The following MDM4 variants were observed in gnomAD, a reference collection of about 807,000 sequenced individuals.
MDM4 encodes the protein protein Mdm4.
In MDM4, 2 loss-of-function variants were observed where a neutral mutation model predicts 60.2. The observed-to-expected ratio is 0.03, with a 90% CI of 0.01 to 0.10. The LOEUF (loss-of-function observed/expected upper bound fraction) is 0.10, where lower values mean the gene tolerates loss of function less well. Among genes scored for constraint, MDM4 ranks in the 10% least tolerant of loss-of-function variants. The probability of loss-of-function intolerance (pLI) is 1.00; values close to 1 mark genes in which losing one functional copy is unlikely to be tolerated. For missense variants in MDM4, 447 were observed against 577.5 expected (o/e 0.77, Z 2.32); for synonymous variants, 202 against 198.1 (o/e 1.02, Z -0.17).
At chr1:204,538,396 G>T (rs1661638769) in intron 7 of MDM4, 88 bp downstream of exon 7, 2 of 728,144 alleles carry the variant, frequency 2.7e-6, no homozygotes, top group Non-Finnish European at 4.8e-6. Flanking sequence ...TGAAGTAGGA[G>T]AGGGATATGT....
chr1:204,529,504 A>T, intron 3 of MDM4: 1 of 1,517,502 alleles, frequency 6.6e-7, no homozygotes, highest in Non-Finnish European at 8.9e-7. Flanking sequence ...AGGTGTCCAT[A>T]GGGCCCTCTA....
chr1:204,529,779 C>T (rs1660675981), intron 3 of MDM4: 1 of 354,324 alleles, frequency 2.8e-6, no homozygotes, highest in Non-Finnish European at 5.1e-6. Flanking sequence ...TATGCCATCT[C>T]CTTCATTTAG....
Position 204,552,315 on chromosome 1 carries a change from G to A in MDM4, c.*2633G>A, listed in dbSNP as rs1663275915. On this transcript the variant is annotated 3_prime_UTR_variant, in exon 11 of 11. Transcript: ENST00000367182. ...ATCGCAAAAAGAAAAATCTCATAAT[G>A]TCGTTGTTGGTTTTTTTTTTTTTTT... 7.3e-6 allele frequency: 1 copy of A among 137,554 alleles called. No individual in the cohort carries two copies. Among genetic ancestry groups the A allele is most frequent in the African/African-American group, 2.5e-5 (1 of 39,248 alleles). 8.5% of individuals were successfully genotyped at this position (137,554 alleles called of 1,614,324 possible).
chr1:204,522,399 TA>T (rs202167238), intron 1 of MDM4, among the ~76,000 whole-genome samples: 5 of 92,124 alleles, frequency 5.4e-5, no homozygotes, highest in Non-Finnish European at 9.1e-5. Context: ...AGCCAGGTTT[TA>T]AATTTTTTTT....
intron 3 of MDM4, among the ~76,000 whole-genome samples, chr1:204,529,879 A>AT (rs1451566133): frequency 6.6e-6 from 1 of 151,966 alleles, no homozygotes; most frequent in Non-Finnish European, 1.5e-5. Flanking sequence ...CCTGATTTTT[A>AT]TTATTTATTT....
At chr1:204,527,451 C>T (rs553220809) in intron 3 of MDM4, among the ~76,000 whole-genome samples, 117 of 152,072 alleles carry the variant, frequency 7.7e-4, no homozygotes, top group African/African-American at 2.4e-3. Context: ...GTCAGGAGTT[C>T]GAGACCAGCC....
Position 204,544,639 on chromosome 1 carries a change from T to A in MDM4, c.777T>A (p.Asp259Glu), listed in dbSNP as rs1277485959. 1.2e-6 allele frequency: 2 copies of A among 1,613,686 alleles called. No individual in the cohort carries two copies. The highest frequency in any genetic ancestry group is 2.2e-5 in the East Asian group (1 of 44,848). Residue 259 changes from aspartate to glutamate, a missense_variant, in exon 9 of 11, where the codon GAT (aspartate) becomes GAA (glutamate). Coordinates refer to ENST00000367182, the MANE Select transcript of MDM4 (RefSeq NM_002393.5). ...LGVGIKVEAA[D>E]TEQTSEEVGK... is the part of the protein sequence containing the mutation. ...TTGGAATAAAAGTTGAAGCTGCTGA[T>A]ACTGAACAAACAAGTGAAGAAGTAG...
intron 3 of MDM4, 132 bp from the exon 4 acceptor site, chr1:204,530,552 A>T: frequency 8.4e-7 from 1 of 1,185,244 alleles, no homozygotes; most frequent in Non-Finnish European, 1.2e-6. Context: ...AGGACCCCTT[A>T]CACAAACTTT....
At chr1:204,536,338 C>T (rs946969651) in intron 5 of MDM4, among the ~76,000 whole-genome samples, 7 of 152,240 alleles carry the variant, frequency 4.6e-5, no homozygotes, top group Admixed American at 3.9e-4. Flanking sequence ...TGCTGTCTCT[C>T]AAACTTTTTG....
chr1:204,525,542 T>C lies in MDM4; in HGVS notation c.24T>C (p.Ala8=), dbSNP rs2102313810. MTSFSTS[A]QCSTSDSACR... is the part of the protein sequence containing the mutation. ...AAATGACATCATTTTCCACCTCTGC[T>C]CAGTGTTCAACATCTGACAGTGCTT... The change falls in exon 2 of 11, where the codon GCT becomes GCC. Residue 8 remains alanine (A), a synonymous_variant. Transcript: ENST00000367182. 3.1e-6 allele frequency: 5 copies of C among 1,612,268 alleles called. No homozygotes were observed. Among genetic ancestry groups the C allele is most frequent in the South Asian group, 1.1e-5 (1 of 90,626 alleles).
Position 204,544,517 on chromosome 1 carries a change from T to C in MDM4, c.673-18T>C. The C allele has an allele frequency of 6.3e-7, 1 of 1,590,738 alleles. No homozygotes were observed. The highest frequency in any genetic ancestry group is 1.1e-5 in the South Asian group (1 of 89,360). On this transcript the variant is annotated intron_variant, in intron 8 of 10. Coordinates refer to ENST00000367182, the MANE Select transcript of MDM4 (RefSeq NM_002393.5). ...AACCTCTGAATACAGAAACTCATGT[T>C]TGTTTTTTTTCTGTTAGGATGTGGG... is the stretch of plus-strand genomic sequence containing the variant.
intron 1 of MDM4, among the ~76,000 whole-genome samples, chr1:204,524,202 G>GT (rs1376090118): frequency 2.0e-5 from 3 of 152,280 alleles, no homozygotes; most frequent in South Asian, 4.1e-4. Flanking sequence ...AGATACATTG[G>GT]TTTTTTGGAG....
chr1:204,523,993 G>A (rs1055550112), intron 1 of MDM4, among the ~76,000 whole-genome samples: 4 of 152,054 alleles, frequency 2.6e-5, no homozygotes, highest in African/African-American at 4.8e-5. Context: ...GTAGTATGGC[G>A]GGAAGAACAG....
intron 3 of MDM4, chr1:204,529,638 T>C: frequency 1.1e-6 from 1 of 932,220 alleles, no homozygotes; most frequent in East Asian, 2.7e-5. Flanking sequence ...CCCGGAGGGG[T>C]TCCTGGCGCT....
Position 204,551,461 on chromosome 1 carries a change from CTTTTT to C in MDM4, c.*1804_*1808del, listed in dbSNP as rs56047802. The C allele has an allele frequency of 0.034, 3,048 of 90,440 alleles. 44 individuals are homozygous for C. The highest frequency in any genetic ancestry group is 0.047 in the African/African-American group (639 of 13,736). The allele number at this position is 90,440 out of a possible 1,614,324, so 5.6% of individuals were successfully genotyped here. On this transcript the variant is annotated 3_prime_UTR_variant, in exon 11 of 11. Transcript: ENST00000367182. Reference sequence around the variant, plus strand: ...ATACTGGATGGTTGAGAGGCAGCCTCTTTTTTTTTTTTTTTTTTTTTTTTTTTTTG... The same window carrying C: ...ATACTGGATGGTTGAGAGGCAGCCTCTTTTTTTTTTTTTTTTTTTTTTTTG...
rs774042201 is a variant in MDM4 at position 204,544,722 on chromosome 1, G to T, written c.822+38G>T. 8.9e-6 allele frequency: 14 copies of T among 1,580,168 alleles called. No individual in the cohort carries two copies. In the South Asian group the frequency reaches 1.4e-4, roughly 15 times the overall value. On this transcript the variant is annotated intron_variant, in intron 9 of 10. Coordinates refer to ENST00000367182, the MANE Select transcript of MDM4 (RefSeq NM_002393.5). ...AAAATTCCATGTTGATTCTGTTTGT[G>T]TGCTCATAGTATCATCTGTTGAGAT...
chr1:204,540,025 T>C (rs1031805875), intron 7 of MDM4, among the ~76,000 whole-genome samples: 4 of 151,268 alleles, frequency 2.6e-5, no homozygotes, highest in Non-Finnish European at 4.4e-5. Flanking sequence ...CTCACGCCTG[T>C]AATCCCAGCA....
intron 2 of MDM4, among the ~76,000 whole-genome samples, chr1:204,526,140 C>T (rs1276204475): frequency 2.0e-5 from 3 of 152,160 alleles, no homozygotes; most frequent in African/African-American, 7.2e-5. Context: ...CCTGTAGTCC[C>T]AGCTACTCTG....
At chr1:204,548,863 CCTTTCTTAAAGCCA>C (rs935143148) in intron 10 of MDM4, among the ~76,000 whole-genome samples, 14 of 152,074 alleles carry the variant, frequency 9.2e-5, no homozygotes, top group African/African-American at 3.4e-4. Flanking sequence ...TAGAAAGCCA[CCTTTCTTAAAGCCA>C]CTTTCTTAAA....
Sources: allele counts gnomAD v4.1 joint callset (sites outside exome capture counted in the v4.1 genomes callset), GRCh38; gene constraint gnomAD v4.1.1; transcripts MANE v1.5; gene names NCBI Gene and HGNC (gene_info 2026-07-23, HGNC 2026-07-21).